Variants in WDR45 observed in about 807,000 individuals in gnomAD.
The protein encoded by WDR45 is WD repeat domain phosphoinositide-interacting protein 4.
Under a neutral mutation model 27.3 loss-of-function variants are expected in WDR45, and 2 were observed. That is an observed-to-expected ratio of 0.07 (90% CI 0.03 to 0.23). The LOEUF (loss-of-function observed/expected upper bound fraction) is 0.23, where lower values mean the gene tolerates loss of function less well. Ranked by LOEUF, WDR45 falls within the 10% of genes least tolerant of loss-of-function variation. The probability of loss-of-function intolerance (pLI) is 1.00; values close to 1 mark genes in which losing one functional copy is unlikely to be tolerated. For synonymous variants in WDR45, 99 were observed against 119.2 expected, an observed-to-expected ratio of 0.83 and a Z score of 1.11; for missense variants, 175 against 311.9, an observed-to-expected ratio of 0.56 and a Z score of 3.31.
Position 49,088,415 on chromosome X carries a change from A to C in WDR45, c.-17-10303T>G, listed in dbSNP as rs988159248. The stretch of plus-strand genomic sequence containing the variant: ...AGAGCAAAACTCCGTCTCAACAACA[A>C]CAACAACGAAGAGAACCAAGAAGGC... On this transcript the variant is annotated intron_variant, in intron 2 of 11. Transcript: ENST00000356463. Among the ~76,000 whole-genome samples the C allele has an allele frequency of 2.7e-5, 3 of 111,547 alleles. No homozygotes were observed. The South Asian group carries it at 1.1e-3, about 42-fold the overall frequency.
chrX:49,081,801 C>T (rs1464970178), upstream of WDR45, among the ~76,000 whole-genome samples: 3 of 106,746 alleles, frequency 2.8e-5, no homozygotes, highest in African/African-American at 1.0e-4. Context: ...CTGGGTAACA[C>T]GGTGAAACCT....
At chrX:49,091,092 G>A (rs868965890) in intron 2 of WDR45, among the ~76,000 whole-genome samples, 1 of 110,299 alleles carries the variant, frequency 9.1e-6, no homozygotes, top group Non-Finnish European at 1.9e-5. Context: ...CAAAGTGCTG[G>A]GGTTATAGGT....
chrX:49,080,554 T>A (rs1295060150), upstream of WDR45, among the ~76,000 whole-genome samples: 1 of 111,256 alleles, frequency 9.0e-6, no homozygotes, highest in Non-Finnish European at 1.9e-5. Context: ...ACGGTTATCC[T>A]GCCTCAGCCT....
chrX:49,092,315 C>T (rs1448249072), intron 2 of WDR45, among the ~76,000 whole-genome samples: 1 of 107,590 alleles, frequency 9.3e-6, no homozygotes, highest in Admixed American at 1.0e-4. Context: ...GATATGTCCA[C>T]TATCTTGATT....
In WDR45 at chrX:49,099,812, AAC is replaced by A. The variant is rs1491087634; in HGVS notation, c.-18+391_-18+392del. Among the ~76,000 whole-genome samples, 6 of 109,343 alleles carry A rather than the reference AAC, an allele frequency of 5.5e-5. No individual in the cohort carries two copies. In the East Asian group the frequency reaches 8.6e-4, roughly 16 times the overall value. 95.0% of individuals were successfully genotyped at this position (109,343 alleles called of 115,157 possible). ...AAAAAAACAAAAAAAAACAAAAAAA[AAC>A]ACACAGTGTTTCTTGGGACCAGACC... On this transcript the variant is annotated intron_variant, in intron 2 of 11. Transcript: ENST00000356463.
intron 4 of WDR45, chrX:49,077,383 G>T: frequency 2.4e-6 from 1 of 420,239 alleles, no homozygotes. Flanking sequence ...GTTAATAAAC[G>T]TAAAGTGCTT....
chrX:49,087,469 G>C (rs1283867000), intron 2 of WDR45, among the ~76,000 whole-genome samples: 2 of 112,316 alleles, frequency 1.8e-5, no homozygotes, highest in African/African-American at 6.5e-5. Context: ...GTTGCAGTGA[G>C]TCGAGATTGT....
chrX:49,074,826 T>C lies in WDR45; in HGVS notation c.1060A>G (p.Ile354Val). The C allele has an allele frequency of 1.7e-6, 2 of 1,210,395 alleles. No individual in the cohort carries two copies. The highest frequency in any genetic ancestry group is 2.2e-6 in the Non-Finnish European group (2 of 894,484). Residue 354 changes from isoleucine (I) to valine (V), a missense_variant, in exon 11 of 11, where the codon ATC (isoleucine) becomes GTC (valine). Physicochemically the swap from Ile to Val is conservative, Grantham distance 29. Transcript: ENST00000376372. ...CCTTAAAAGTCATCATCATCACAGA[T>C]GTCAAGGTACACGTCGAAAGCCTCT... ...NREAFDVYLD[I>V]CDDDDF
intron 2 of WDR45, among the ~76,000 whole-genome samples, chrX:49,091,488 G>C (rs1557086623): frequency 1.9e-5 from 2 of 106,124 alleles, no homozygotes; most frequent in Admixed American, 2.0e-4. Context: ...GGTGGCTCAC[G>C]CCTGTAATCC....
chrX:49,094,341 C>T lies in WDR45; in HGVS notation c.-18+5864G>A, dbSNP rs782015201. Among the ~76,000 whole-genome samples the T allele has an allele frequency of 6.3e-5, 7 of 110,846 alleles. No homozygotes were observed. In the Admixed American group the frequency reaches 6.8e-4, roughly 11 times the overall value. On this transcript the variant is annotated intron_variant, in intron 2 of 11. Coordinates refer to the WDR45 transcript ENST00000356463. The stretch of plus-strand genomic sequence containing the variant: ...AAAATTAGCCATGCGTGGTGGTGTA[C>T]GCCTGTAATCCCAGCTATTTAGGAG...
intron 4 of WDR45, chrX:49,077,253 C>T (rs1486931945): frequency 4.7e-6 from 1 of 214,739 alleles, no homozygotes; most frequent in Non-Finnish European, 8.5e-6. Context: ...GATTTTAAAA[C>T]CTATTGCTTG....
chrX:49,094,637 G>A (rs1370067381), intron 2 of WDR45, among the ~76,000 whole-genome samples: 1 of 110,901 alleles, frequency 9.0e-6, no homozygotes, highest in Non-Finnish European at 1.9e-5. Context: ...TTACGGCCTG[G>A]TGGTATATTC....
intron 1 of WDR45, chrX:49,100,723 T>C (rs2065142875): frequency 8.9e-6 from 1 of 112,752 alleles, no homozygotes; most frequent in Non-Finnish European, 1.9e-5. Flanking sequence ...CCAAAGGCCC[T>C]GACACTTAGG....
At chrX:49,078,830 C>G (rs1009219951) in intron 1 of WDR45, among the ~76,000 whole-genome samples, 1 of 112,695 alleles carries the variant, frequency 8.9e-6, no homozygotes, top group African/African-American at 3.2e-5. Context: ...ACCGGACTCT[C>G]TCAATAAATA....
upstream of WDR45, chrX:49,101,145 G>C (rs1024733858): frequency 8.9e-6 from 1 of 112,461 alleles, no homozygotes; most frequent in African/African-American, 3.2e-5. Context: ...GTAAAAGCAC[G>C]ACTTTCCCGG....
At chrX:49,095,531 G>A (rs1476948901) in intron 2 of WDR45, among the ~76,000 whole-genome samples, 1 of 109,602 alleles carries the variant, frequency 9.1e-6, no homozygotes, top group African/African-American at 3.3e-5. Flanking sequence ...CACGATCTCG[G>A]CTCACTGCAA....
intron 2 of WDR45, among the ~76,000 whole-genome samples, chrX:49,088,803 A>T (rs1478474049): frequency 9.0e-6 from 1 of 111,679 alleles, no homozygotes; most frequent in Non-Finnish European, 1.9e-5. Flanking sequence ...AGCTATGATC[A>T]TGCACTACAA....
At position 49,087,821 on chromosome X, in the gene WDR45, C is replaced by T. The variant is rs992347352; in HGVS notation, c.-17-9709G>A. 7.1e-5 allele frequency among the ~76,000 whole-genome samples: 8 copies of T among 112,259 alleles called. No homozygotes were observed. In the East Asian group the frequency reaches 1.4e-3, roughly 20 times the overall value. Reference sequence around the variant, plus strand: ...TGAGCAGTTGCTGAGATTGTTTTAGCCGGAGGTTGAGGCTTCAGTGAGCCA... The same window carrying T: ...TGAGCAGTTGCTGAGATTGTTTTAGTCGGAGGTTGAGGCTTCAGTGAGCCA... On this transcript the variant is annotated intron_variant, in intron 2 of 11. Transcript: ENST00000356463.
intron 2 of WDR45, among the ~76,000 whole-genome samples, chrX:49,088,608 C>A (rs1221275233): frequency 8.9e-6 from 1 of 112,169 alleles, no homozygotes; most frequent in Admixed American, 9.6e-5. Context: ...TTTAAGGGAA[C>A]CTTTGCCTAA....
Sources: allele counts gnomAD v4.1 joint callset (sites outside exome capture counted in the v4.1 genomes callset), GRCh38; gene constraint gnomAD v4.1.1; transcripts MANE v1.5; gene names NCBI Gene and HGNC (gene_info 2026-07-23, HGNC 2026-07-21).